The following THRAP3 variants were observed in gnomAD, a reference collection of about 807,000 sequenced individuals.
The protein encoded by THRAP3 is thyroid hormone receptor associated protein 3.
A neutral mutation model predicts 101.0 loss-of-function variants in THRAP3; 16 were observed. The ratio of observed to expected loss-of-function variants is 0.16; its 90% CI spans 0.11 to 0.24. THRAP3 has a LOEUF of 0.24. Ranked by LOEUF, THRAP3 falls within the 10% of genes least tolerant of loss-of-function variation. THRAP3 has a pLI of 1.00. For synonymous variants in THRAP3, 407 were observed against 422.6 expected (o/e 0.96, Z 0.45); for missense variants, 989 against 1,202.7 (o/e 0.82, Z 2.63).
In THRAP3 at chr1:36,303,899, G is replaced by T. The variant is rs774370875; in HGVS notation, c.2750G>T (p.Ser917Ile). The T allele has an allele frequency of 6.2e-7, 1 of 1,613,634 alleles. No individual in the cohort carries two copies. The highest frequency in any genetic ancestry group is 1.7e-5 in the Admixed American group (1 of 59,888). ...GGCCGGTTCATGTTCCGGAAATCAA[G>T]TACCAGCCCCAAGTGGGCCCATGAC... ...GRGRFMFRKS[S>I]TSPKWAHDKF... The change falls in exon 12 of 12, where the codon AGT (serine) becomes ATT (isoleucine). Residue 917 changes from serine (S) to isoleucine (I), a missense_variant. Physicochemically the swap from Ser to Ile is moderately radical, Grantham distance 142. Coordinates refer to ENST00000354618, the MANE Select transcript of THRAP3 (RefSeq NM_005119.4).
At chr1:36,226,913 A>G (rs272813) in intron 1 of THRAP3, among the ~76,000 whole-genome samples, 5,166 of 152,286 alleles carry the variant, frequency 0.034, 330 homozygotes, top group African/African-American at 0.12. Flanking sequence ...AGGTAAGCAA[A>G]TAAACTACAA....
At chr1:36,279,236 T>G (rs1408725165) in intron 2 of THRAP3, among the ~76,000 whole-genome samples, 2 of 152,202 alleles carry the variant, frequency 1.3e-5, no homozygotes, top group Non-Finnish European at 2.9e-5. Flanking sequence ...TTTTAAAGTC[T>G]GATAATATCC....
At chr1:36,294,183 G>C in intron 8 of THRAP3, 1 of 1,252,448 alleles carries the variant, frequency 8.0e-7, no homozygotes, top group Non-Finnish European at 1.0e-6. Flanking sequence ...AAAAAGAGAG[G>C]AGTTTTGGAA....
At chr1:36,266,174 A>AG (rs201624348) in intron 2 of THRAP3, among the ~76,000 whole-genome samples, 1 of 149,456 alleles carries the variant, frequency 6.7e-6, no homozygotes, top group Admixed American at 6.7e-5. Flanking sequence ...AAAAAAAAAA[A>AG]GCCAAGCATT....
In THRAP3 at chr1:36,287,104, G is replaced by A. The variant is rs143668989; in HGVS notation, c.874G>A (p.Gly292Arg). The change falls in exon 4 of 12, where the codon GGG becomes AGG. Residue 292 changes from glycine (G) to arginine (R), a missense_variant. By Grantham distance (125) the Gly-to-Arg change is moderately radical. Coordinates refer to ENST00000354618, the MANE Select transcript of THRAP3 (RefSeq NM_005119.4). ...QMGSTLPSGA[G>R]YQSGTHQGQF... ...GGGCTCAACTCTGCCGAGTGGTGCC[G>A]GGTATCAGTCTGGGACACACCAAGG... The A allele has an allele frequency of 1.6e-5, 26 of 1,614,014 alleles. No homozygotes were observed. Among genetic ancestry groups the A allele is most frequent in the Non-Finnish European group, 2.1e-5 (25 of 1,180,036 alleles).
At chr1:36,281,649 A>G (rs1332109085) in intron 2 of THRAP3, among the ~76,000 whole-genome samples, 1 of 149,062 alleles carries the variant, frequency 6.7e-6, no homozygotes, top group Non-Finnish European at 1.5e-5. Context: ...TTTTTTGTAG[A>G]GGTGGGGGAA....
intron 3 of THRAP3, among the ~76,000 whole-genome samples, chr1:36,283,889 GC>G (rs1645764466): frequency 6.6e-6 from 1 of 152,264 alleles, no homozygotes; most frequent in African/African-American, 2.4e-5. Flanking sequence ...TGAGAAGCCA[GC>G]CTGAAAAAGC....
intron 2 of THRAP3, among the ~76,000 whole-genome samples, chr1:36,272,267 A>G (rs772327949): frequency 6.6e-5 from 10 of 152,302 alleles, no homozygotes; most frequent in Admixed American, 2.6e-4. Flanking sequence ...AGAGTACCCA[A>G]TGCACATTTG....
At chr1:36,290,806 TC>T in intron 5 of THRAP3, among the ~76,000 whole-genome samples, 1 of 152,274 alleles carries the variant, frequency 6.6e-6, no homozygotes. Flanking sequence ...CTACCCCTTG[TC>T]CCCTGAACTT....
intron 1 of THRAP3, among the ~76,000 whole-genome samples, chr1:36,253,179 A>G (rs1645329849): frequency 6.6e-6 from 1 of 152,012 alleles, no homozygotes; most frequent in Admixed American, 6.6e-5. Flanking sequence ...GGTACTGCCA[A>G]ATACATTAAT....
chr1:36,219,256 T>C, the THRAP3 span, among the ~76,000 whole-genome samples: 3 of 152,194 alleles, frequency 2.0e-5, no homozygotes, highest in Middle Eastern at 3.4e-3. Flanking sequence ...GAAAAAAGTT[T>C]CAAGCTACCA....
At chr1:36,292,814 T>A in intron 7 of THRAP3, 105 bp downstream of exon 7, 1 of 802,078 alleles carries the variant, frequency 1.2e-6, no homozygotes, top group Non-Finnish European at 2.0e-6. Flanking sequence ...AATACAAAAT[T>A]TACAGTAACA....
intron 2 of THRAP3, among the ~76,000 whole-genome samples, chr1:36,282,213 A>C (rs967832662): frequency 6.7e-6 from 1 of 149,340 alleles, no homozygotes; most frequent in Non-Finnish European, 1.5e-5. Flanking sequence ...GGCGTGAGCC[A>C]CCGTGCTCAG....
chr1:36,289,718 G>T lies in THRAP3; in HGVS notation c.1699G>T (p.Ala567Ser). 6.2e-7 allele frequency: 1 copy of T among 1,613,650 alleles called. No individual in the cohort carries two copies. The highest frequency in any genetic ancestry group is 1.3e-5 in the African/African-American group (1 of 74,966). The change falls in exon 5 of 12, where the codon GCA becomes TCA. Residue 567 changes from alanine to serine, a missense_variant. Coordinates refer to ENST00000354618, the MANE Select transcript of THRAP3 (RefSeq NM_005119.4). ...GKSSFSITRE[A>S]QVNVRMDSFD... is the part of the protein sequence containing the mutation. The stretch of plus-strand genomic sequence containing the variant: ...GTCTTCCTTTTCCATTACTCGAGAG[G>T]CACAGGTCAATGTCCGGATGGACTC...
intron 1 of THRAP3, among the ~76,000 whole-genome samples, chr1:36,245,145 C>T (rs1394191720): frequency 6.6e-6 from 1 of 151,422 alleles, no homozygotes; most frequent in Admixed American, 6.6e-5. Context: ...TAGATCTCTG[C>T]ATGTGACACC....
In THRAP3 at chr1:36,246,999, AGG is replaced by A. The variant is rs1399958238; in HGVS notation, c.-134-12381_-134-12380del. On this transcript the variant is annotated intron_variant, in intron 1 of 11. Coordinates refer to ENST00000354618, the MANE Select transcript of THRAP3 (RefSeq NM_005119.4). Reference sequence around the variant, plus strand: ...AATATTGAGGGCTTCAGTTTTCTCAAGGGCCTTTCTTAGTCTTTTTTAAAAAA... The same window carrying A: ...AATATTGAGGGCTTCAGTTTTCTCAAGCCTTTCTTAGTCTTTTTTAAAAAA... Among the ~76,000 whole-genome samples, 11 of 152,108 alleles carry A rather than the reference AGG, an allele frequency of 7.2e-5. 1 individual carries two copies. The highest frequency in any genetic ancestry group is 1.5e-5 in the Non-Finnish European group (1 of 68,022).
chr1:36,301,070 G>T lies in THRAP3; in HGVS notation c.2488G>T (p.Ala830Ser). The change falls in exon 10 of 12, where the codon GCT (alanine) becomes TCT (serine). Residue 830 changes from alanine to serine, a missense_variant. Ala to Ser is a moderately conservative substitution (Grantham distance 99, BLOSUM62 1). Transcript: ENST00000354618. ...VGPSERGGGR[A>S]RGTFQFRARG... ...TCCAAGTGAAAGAGGAGGTGGCAGA[G>T]CTCGAGGAACCTTTGTAAGACCTTC... The T allele has an allele frequency of 6.2e-7, 1 of 1,614,150 alleles. No homozygotes were observed. Among genetic ancestry groups the T allele is most frequent in the Non-Finnish European group, 8.5e-7 (1 of 1,179,988 alleles).
chr1:36,303,264 G>T (rs1404863108), intron 11 of THRAP3, among the ~76,000 whole-genome samples: 2 of 151,902 alleles, frequency 1.3e-5, no homozygotes, highest in Non-Finnish European at 2.9e-5. Flanking sequence ...GCACCCAGCC[G>T]CATTGCCTCC....
intron 1 of THRAP3, among the ~76,000 whole-genome samples, chr1:36,233,243 C>A (rs1446002202): frequency 6.6e-6 from 1 of 151,448 alleles, no homozygotes; most frequent in East Asian, 2.0e-4. Context: ...CGTGGTGGCT[C>A]ACGCCTGTAA....
Sources: gnomAD v4.1 joint callset for allele counts (sites outside exome capture counted in the v4.1 genomes callset) on GRCh38, gnomAD v4.1.1 for gene constraint, MANE v1.5 for transcripts, NCBI Gene and HGNC (gene_info 2026-07-23, HGNC 2026-07-21) for gene names.